Variants in CEP72 observed in about 807,000 individuals in gnomAD.
CEP72 encodes the protein centrosomal protein 72, also known as centrosomal protein of 72 kDa.
In CEP72, 78 loss-of-function variants were observed where a neutral mutation model predicts 65.7. The ratio of observed to expected loss-of-function variants is 1.19; its 90% CI spans 0.99 to 1.43. CEP72 has a LOEUF of 1.43. Among genes scored for constraint, CEP72 ranks in the 40% most tolerant of loss-of-function variants. The pLI is 0.00. For synonymous variants in CEP72, 358 were observed against 351.7 expected, an observed-to-expected ratio of 1.02 and a Z score of -0.20; for missense variants, 914 against 832.9, an observed-to-expected ratio of 1.10 and a Z score of -1.20.
At chr5:662,721 G>A in intron 1 of CEP72, 1 of 152,712 alleles carries the variant, frequency 6.5e-6, no homozygotes, top group East Asian at 1.9e-4. Flanking sequence ...GAGTCCGAGG[G>A]TGTAAGGGTG....
intron 11 of CEP72, among the ~76,000 whole-genome samples, chr5:648,727 CTGTGAGGCATGACTG>C (rs1738632762): frequency 1.9e-5 from 1 of 51,464 alleles, no homozygotes; most frequent in Admixed American, 2.6e-4. Context: ...TGAGGCGTGA[CTGTGAGGCATGACTG>C]TGAGGTGTGG....
intron 7 of CEP72, among the ~76,000 whole-genome samples, chr5:638,380 C>A (rs1170618738): frequency 6.6e-6 from 1 of 152,134 alleles, no homozygotes; most frequent in Admixed American, 6.5e-5. Flanking sequence ...GGCGTTGAGA[C>A]ACACCTGCTG....
At chr5:674,612 C>G in the CEP72 span, among the ~76,000 whole-genome samples, 2 of 152,102 alleles carry the variant, frequency 1.3e-5, no homozygotes, top group Admixed American at 1.3e-4. Flanking sequence ...TGCTGCCTGC[C>G]CATGGCTGGT....
the CEP72 span, among the ~76,000 whole-genome samples, chr5:674,917 A>C: frequency 1.3e-5 from 2 of 150,012 alleles, no homozygotes; most frequent in South Asian, 4.2e-4. Flanking sequence ...CTGCAGAGTC[A>C]GGCGCCAGTT....
chr5:621,627 A>G (rs1271148132), intron 3 of CEP72, among the ~76,000 whole-genome samples: 4 of 152,176 alleles, frequency 2.6e-5, no homozygotes, highest in Non-Finnish European at 4.4e-5. Context: ...GTGGAGGAGC[A>G]CCTAAGCGCC....
chr5:675,270 AGCCCAG>A, the CEP72 span, among the ~76,000 whole-genome samples: 1 of 74,024 alleles, frequency 1.4e-5, no homozygotes, highest in Non-Finnish European at 2.4e-5. Flanking sequence ...CCGGGGGTGC[AGCCCAG>A]GGGGTTCAGT....
At chr5:660,374 C>G (rs1205291119), downstream of CEP72, 1 of 152,296 alleles carries the variant, frequency 6.6e-6, no homozygotes, top group African/African-American at 2.4e-5. Flanking sequence ...AGTAAAGCAT[C>G]TCGATGTGCC....
At chr5:673,292 C>T in the CEP72 span, among the ~76,000 whole-genome samples, 15 of 152,182 alleles carry the variant, frequency 9.9e-5, no homozygotes, top group East Asian at 1.2e-3. Context: ...TTTTAGGCCC[C>T]TTGCTGCTGT....
At chr5:616,795 G>GGTGTGTGT (rs762810860) in intron 1 of CEP72, among the ~76,000 whole-genome samples, 5 of 139,040 alleles carry the variant, frequency 3.6e-5, no homozygotes, top group African/African-American at 1.4e-4. Context: ...GTGGACGAGG[G>GGTGTGTGT]GTGTGTGTGT....
In CEP72 at chr5:644,302, G is replaced by A; in HGVS notation, c.1543G>A (p.Asp515Asn). 6.2e-7 allele frequency: 1 copy of A among 1,613,460 alleles called. No homozygotes were observed. The highest frequency in any genetic ancestry group is 8.5e-7 in the Non-Finnish European group (1 of 1,179,778). Residue 515 changes from aspartate to asparagine, a missense_variant, in exon 10 of 12, where the codon GAT becomes AAT. Asp to Asn is a conservative substitution (Grantham distance 23). Transcript: ENST00000264935. ...AGTGTATTTTCTGTGTCCGCAGGAT[G>A]ATTTGAGACAACATTTAGATAAATC... The part of the protein sequence containing the change: ...ELHHTHKELD[D>N]LRQHLDKSLE...
Position 619,438 on chromosome 5 carries a change from G to A in CEP72, c.210+321G>A, listed in dbSNP as rs1736231486. ...CACCCTGGAGAGAGATGCCTAGGTG[G>A]TGGTGAGGGGAGCTGTGCACAACTA... On this transcript the variant is annotated intron_variant, in intron 2 of 11. Transcript: ENST00000264935. Among the ~76,000 whole-genome samples the A allele has an allele frequency of 2.0e-5, 3 of 152,220 alleles. No homozygotes were observed. In the South Asian group the frequency reaches 6.2e-4, roughly 32 times the overall value.
chr5:663,116 TGTGATCGGGCGATTCC>T (rs1739732853), intron 1 of CEP72: 2 of 140,088 alleles, frequency 1.4e-5, no homozygotes, highest in Admixed American at 1.4e-4. Context: ...GCCGCTCGTC[TGTGATCGGGCGATTCC>T]GGTGACCGCT....
chr5:637,744 G>C lies in CEP72; in HGVS notation c.1132G>C (p.Gly378Arg), dbSNP rs1219532634. 1 of 1,612,596 alleles carries C rather than the reference G, an allele frequency of 6.2e-7. No homozygotes were observed. The highest frequency in any genetic ancestry group is 1.7e-5 in the Admixed American group (1 of 59,944). Reference protein sequence around the residue: ...SRQDSSESRNGRTLSQPEASE... With the variant: ...SRQDSSESRNRRTLSQPEASE... ...ACAGGACAGCTCAGAAAGCAGGAAC[G>C]GGAGGACCTTGTCTCAGCCTGAGGC... The change falls in exon 7 of 12, where the codon GGG becomes CGG. Residue 378 changes from glycine (G) to arginine (R), a missense_variant. Physicochemically the swap from Gly to Arg is moderately radical, Grantham distance 125. Coordinates refer to ENST00000264935, the MANE Select transcript of CEP72 (RefSeq NM_018140.4).
intron 4 of CEP72, among the ~76,000 whole-genome samples, chr5:632,802 GC>G (rs1737284963): frequency 1.9e-5 from 1 of 51,754 alleles, no homozygotes; most frequent in Admixed American, 1.9e-4. Flanking sequence ...TCTGTCCAGC[GC>G]CGGGATTTGG....
chr5:653,071 A>G lies in CEP72; in HGVS notation c.1862A>G (p.His621Arg), dbSNP rs1037938640. 13 of 1,613,900 alleles carry G rather than the reference A, an allele frequency of 8.1e-6. No individual in the cohort carries two copies. The highest frequency in any genetic ancestry group is 1.6e-4 in the Middle Eastern group (1 of 6,062). Residue 621 changes from histidine (H) to arginine (R), a missense_variant, in exon 12 of 12, where the codon CAC (histidine) becomes CGC (arginine). By Grantham distance (29) the His-to-Arg change is conservative (BLOSUM62 0). Coordinates refer to ENST00000264935, the MANE Select transcript of CEP72 (RefSeq NM_018140.4). ...AQHRAEVEQM[H>R]WSYQELKKTM... is the part of the protein sequence containing the mutation. ...CACAGAGCCGAGGTGGAGCAGATGC[A>G]CTGGAGCTACCAGGAGCTCAAGAAG...
At chr5:669,134 C>T (rs1740086808), downstream of CEP72, among the ~76,000 whole-genome samples, 2 of 152,214 alleles carry the variant, frequency 1.3e-5, no homozygotes, top group African/African-American at 4.8e-5. Flanking sequence ...GGAGCGGAGG[C>T]CTCGCTGTGT....
At chr5:616,541 T>C (rs570915490) in intron 1 of CEP72, among the ~76,000 whole-genome samples, 1 of 152,358 alleles carries the variant, frequency 6.6e-6, no homozygotes, top group Non-Finnish European at 1.5e-5. Flanking sequence ...ATTGTGGACA[T>C]GCTGGGTATG....
intron 10 of CEP72, among the ~76,000 whole-genome samples, chr5:644,628 C>T (rs1424413505): frequency 6.6e-6 from 1 of 152,154 alleles, no homozygotes; most frequent in Non-Finnish European, 1.5e-5. Flanking sequence ...CTGGGGCAGT[C>T]CTGGCATGGA....
chr5:669,004 T>G (rs529465035), downstream of CEP72, among the ~76,000 whole-genome samples: 11 of 152,316 alleles, frequency 7.2e-5, no homozygotes, highest in African/African-American at 2.6e-4. Context: ...ACGCGTGTCC[T>G]AAAGACACAA....
Sources: allele counts gnomAD v4.1 joint callset (sites outside exome capture counted in the v4.1 genomes callset), GRCh38; gene constraint gnomAD v4.1.1; transcripts MANE v1.5; gene names NCBI Gene and HGNC (gene_info 2026-07-23, HGNC 2026-07-21).